The following HHAT variants were observed in gnomAD, a reference collection of about 807,000 sequenced individuals.
HHAT encodes protein-cysteine N-palmitoyltransferase HHAT.
In HHAT, 47 loss-of-function variants were observed where a neutral mutation model predicts 70.8. That is an observed-to-expected ratio of 0.66 (90% CI 0.53 to 0.85). The LOEUF (loss-of-function observed/expected upper bound fraction) is 0.85. Ranked by LOEUF, HHAT falls within the 40% of genes least tolerant of loss-of-function variation. The pLI is 0.00. For missense variants in HHAT, 609 were observed against 604.8 expected, an observed-to-expected ratio of 1.01 and a Z score of -0.07; for synonymous variants, 228 against 247.6, an observed-to-expected ratio of 0.92 and a Z score of 0.74.
rs183855440 is a variant in HHAT, at chr1:210,562,368, T to A, written c.1044-25530T>A. ...GAAGAAAAGAGTATTTACCAGAAAGTCTTTTCAATCCAATCACCAAGGGCC... is the reference window on the plus strand; with the variant it reads ...GAAGAAAAGAGTATTTACCAGAAAGACTTTTCAATCCAATCACCAAGGGCC... On this transcript the variant is annotated intron_variant, in intron 9 of 11. Transcript: ENST00000261458. Among the ~76,000 whole-genome samples the A allele has an allele frequency of 5.3e-5, 7 of 131,070 alleles. No homozygotes were observed. In the East Asian group the frequency reaches 1.7e-3, roughly 33 times the overall value. The allele number at this position is 131,070 out of a possible 152,430, so 86.0% of individuals were successfully genotyped here. A position where few individuals can be genotyped will look rare whatever the true frequency, so the allele number is the denominator to read the frequency against.
intron 3 of HHAT, among the ~76,000 whole-genome samples, chr1:210,365,070 G>A (rs1349824661): frequency 1.3e-5 from 2 of 152,072 alleles, no homozygotes; most frequent in East Asian, 1.9e-4. Context: ...GTGAATATCC[G>A]GCAGAGGAAG....
At chr1:210,618,047 T>C (rs1238181909) in intron 10 of HHAT, among the ~76,000 whole-genome samples, 1 of 152,166 alleles carries the variant, frequency 6.6e-6, no homozygotes, top group African/African-American at 2.4e-5. Flanking sequence ...TGAGAAACGG[T>C]CCTGCCCTAT....
chr1:210,672,850 A>G (rs1680364508), intron 11 of HHAT, among the ~76,000 whole-genome samples: 1 of 152,226 alleles, frequency 6.6e-6, no homozygotes, highest in African/African-American at 2.4e-5. Flanking sequence ...TATTTAATTT[A>G]GGCTCCCCCT....
At chr1:210,502,938 T>C (rs1443043981) in intron 8 of HHAT, among the ~76,000 whole-genome samples, 1 of 152,028 alleles carries the variant, frequency 6.6e-6, no homozygotes, top group African/African-American at 2.4e-5. Context: ...TAGCTTATAC[T>C]GTGTACTCAA....
intron 7 of HHAT, among the ~76,000 whole-genome samples, chr1:210,454,506 A>G (rs552432040): frequency 1.3e-5 from 2 of 152,274 alleles, no homozygotes; most frequent in South Asian, 4.1e-4. Context: ...GTAAGCCGAG[A>G]TCGTGCCACT....
intron 10 of HHAT, among the ~76,000 whole-genome samples, chr1:210,605,995 A>G (rs1665330468): frequency 6.6e-6 from 1 of 150,830 alleles, no homozygotes; most frequent in Non-Finnish European, 1.5e-5. Flanking sequence ...TAGCGGGACT[A>G]CAGGTATGTG....
intron 11 of HHAT, among the ~76,000 whole-genome samples, chr1:210,670,830 A>C (rs1428541759): frequency 6.6e-6 from 1 of 152,132 alleles, no homozygotes; most frequent in Non-Finnish European, 1.5e-5. Flanking sequence ...CTGTGATCTT[A>C]TTTTATTTGC....
At chr1:210,553,710 C>T (rs1231380702) in intron 9 of HHAT, among the ~76,000 whole-genome samples, 4 of 152,114 alleles carry the variant, frequency 2.6e-5, no homozygotes, top group African/African-American at 4.8e-5. Flanking sequence ...ATCATTTATC[C>T]GTGGACCTCA....
intron 1 of HHAT, among the ~76,000 whole-genome samples, chr1:210,332,246 C>T (rs1452334023): frequency 6.6e-6 from 1 of 152,218 alleles, no homozygotes; most frequent in East Asian, 1.9e-4. Flanking sequence ...AGGACCAATT[C>T]GGTTTTTCTG....
At chr1:210,469,905 A>G (rs117079996) in intron 8 of HHAT, among the ~76,000 whole-genome samples, 1 of 152,120 alleles carries the variant, frequency 6.6e-6, no homozygotes, top group South Asian at 2.1e-4. Context: ...TACATGTACC[A>G]TGGTGGTTTG....
chr1:210,648,838 A>T (rs1674579065), intron 11 of HHAT, among the ~76,000 whole-genome samples: 1 of 152,250 alleles, frequency 6.6e-6, no homozygotes, highest in South Asian at 2.1e-4. Context: ...TGCATTATGC[A>T]AAATGCAAAA....
intron 11 of HHAT, among the ~76,000 whole-genome samples, chr1:210,626,062 A>G (rs957076627): frequency 6.6e-6 from 1 of 152,184 alleles, no homozygotes; most frequent in African/African-American, 2.4e-5. Context: ...AGATGGTGGG[A>G]CCAGTGATTG....
At chr1:210,577,421 A>G (rs1011203531) in intron 9 of HHAT, among the ~76,000 whole-genome samples, 4 of 152,018 alleles carry the variant, frequency 2.6e-5, no homozygotes, top group Non-Finnish European at 4.4e-5. Flanking sequence ...CTTTTTCTCC[A>G]TGTGTTAAGA....
intron 11 of HHAT, among the ~76,000 whole-genome samples, chr1:210,638,449 T>A (rs1446583635): frequency 6.6e-6 from 1 of 152,158 alleles, no homozygotes; most frequent in Non-Finnish European, 1.5e-5. Flanking sequence ...TTGATTCTAT[T>A]TATAAAATGT....
chr1:210,553,132 A>C (rs553347654), intron 9 of HHAT, among the ~76,000 whole-genome samples: 17 of 152,324 alleles, frequency 1.1e-4, no homozygotes, highest in Non-Finnish European at 1.9e-4. Context: ...GGGGAGAGGA[A>C]GATGGGAGAT....
chr1:210,379,534 T>G (rs184608889), intron 3 of HHAT, among the ~76,000 whole-genome samples: 1 of 152,340 alleles, frequency 6.6e-6, no homozygotes, highest in East Asian at 1.9e-4. Flanking sequence ...AACCGTGGGC[T>G]CACTTCTTTT....
At chr1:210,460,501 C>T (rs7542156) in intron 7 of HHAT, among the ~76,000 whole-genome samples, 62,064 of 151,928 alleles carry the variant, frequency 0.41, 13,492 homozygotes, top group African/African-American at 0.56. Flanking sequence ...TGTTCCTCTG[C>T]GTTTAGGTTG....
At chr1:210,645,411 G>A (rs928554387) in intron 11 of HHAT, among the ~76,000 whole-genome samples, 2 of 152,144 alleles carry the variant, frequency 1.3e-5, no homozygotes, top group Admixed American at 6.5e-5. Context: ...CTGAGTAGCT[G>A]GGACTACAGG....
chr1:210,560,908 T>C (rs2095617623), intron 9 of HHAT, among the ~76,000 whole-genome samples: 1 of 149,898 alleles, frequency 6.7e-6, no homozygotes, highest in South Asian at 2.1e-4. Flanking sequence ...TTTAAAGACC[T>C]TTCAGATTAA....
Sources: gnomAD v4.1 joint callset for allele counts (sites outside exome capture counted in the v4.1 genomes callset) on GRCh38, gnomAD v4.1.1 for gene constraint, MANE v1.5 for transcripts, NCBI Gene and HGNC (gene_info 2026-07-23, HGNC 2026-07-21) for gene names.